Variants in LUZP2 observed in about 807,000 individuals in gnomAD.
LUZP2 encodes leucine zipper protein 2.
In LUZP2, 52 loss-of-function variants were observed where a neutral mutation model predicts 51.6. That is an observed-to-expected ratio of 1.01 (90% CI 0.81 to 1.27). LUZP2 has a LOEUF of 1.27. LUZP2 is among the 50% of genes most tolerant of loss of function. The pLI, the probability that LUZP2 is intolerant of heterozygous loss-of-function variation, is 0.00. For synonymous variants in LUZP2, 154 were observed against 137.3 expected, an observed-to-expected ratio of 1.12 and a Z score of -0.85; for missense variants, 436 against 395.4, an observed-to-expected ratio of 1.10 and a Z score of -0.87.
chr11:25,066,327 G>A (rs2134048503), intron 10 of LUZP2, among the ~76,000 whole-genome samples: 2 of 151,948 alleles, frequency 1.3e-5, no homozygotes, highest in Non-Finnish European at 2.9e-5. Context: ...ATTGCATAGA[G>A]CTTTTCAACA....
chr11:24,808,663 A>G (rs1849922921), intron 5 of LUZP2, among the ~76,000 whole-genome samples: 1 of 152,148 alleles, frequency 6.6e-6, no homozygotes, highest in African/African-American at 2.4e-5. Flanking sequence ...TGTGAAACTT[A>G]ATTGTGCTTA....
At chr11:24,659,292 A>G (rs1855929745) in intron 1 of LUZP2, among the ~76,000 whole-genome samples, 2 of 152,178 alleles carry the variant, frequency 1.3e-5, no homozygotes, top group Non-Finnish European at 2.9e-5. Context: ...GAAGCTGGAA[A>G]CCATCATTCT....
At chr11:24,701,235 G>T in intron 1 of LUZP2, 1 of 158,302 alleles carries the variant, frequency 6.3e-6, no homozygotes. Context: ...CGTGTGCTGT[G>T]ACAGGCAGGC....
chr11:24,743,622 A>G lies in LUZP2; in HGVS notation c.333+5320A>G, dbSNP rs565485573. Among the ~76,000 whole-genome samples, 242 of 152,182 alleles carry G rather than the reference A, an allele frequency of 1.6e-3. 3 individuals carry two copies. The highest frequency in any genetic ancestry group is 2.4e-3 in the Non-Finnish European group (163 of 67,990). On this transcript the variant is annotated intron_variant, in intron 4 of 11. Coordinates refer to ENST00000336930, the MANE Select transcript of LUZP2 (RefSeq NM_001009909.4). ...TTTAGGGTTTTCAAGGTAAATGATA[A>G]TATCATCAGCAAACAATGACAGTTT...
intron 5 of LUZP2, among the ~76,000 whole-genome samples, chr11:24,867,779 GTT>G (rs1851943055): frequency 6.6e-6 from 1 of 152,230 alleles, no homozygotes; most frequent in East Asian, 1.9e-4. Flanking sequence ...GGCATCATTT[GTT>G]TCTCTACTTA....
chr11:24,748,551 C>T (rs1859462978), intron 4 of LUZP2, among the ~76,000 whole-genome samples: 1 of 152,008 alleles, frequency 6.6e-6, no homozygotes, highest in Non-Finnish European at 1.5e-5. Flanking sequence ...CCTCCACCAC[C>T]CAGGTTCAAA....
At chr11:24,545,866 T>A (rs576045523) in intron 1 of LUZP2, among the ~76,000 whole-genome samples, 1 of 152,200 alleles carries the variant, frequency 6.6e-6, no homozygotes, top group African/African-American at 2.4e-5. Context: ...AATTTGTAAA[T>A]TGCTTTAGGC....
intron 1 of LUZP2, among the ~76,000 whole-genome samples, chr11:24,594,521 T>C (rs1853366664): frequency 6.6e-6 from 1 of 152,154 alleles, no homozygotes; most frequent in South Asian, 2.1e-4. Flanking sequence ...AGACATGTCA[T>C]CCCTGTAGAT....
At chr11:25,003,514 G>T (rs922220030) in intron 9 of LUZP2, among the ~76,000 whole-genome samples, 1 of 152,210 alleles carries the variant, frequency 6.6e-6, no homozygotes, top group African/African-American at 2.4e-5. Flanking sequence ...CTAACATCTT[G>T]CACTAGTCTC....
intron 7 of LUZP2, among the ~76,000 whole-genome samples, chr11:24,924,336 C>A (rs1361655752): frequency 1.3e-5 from 2 of 151,996 alleles, no homozygotes; most frequent in Non-Finnish European, 2.9e-5. Context: ...CCTCTGCCTC[C>A]CAAATTGCTG....
intron 5 of LUZP2, among the ~76,000 whole-genome samples, chr11:24,773,579 C>A (rs184773951): frequency 1.3e-5 from 2 of 149,948 alleles, no homozygotes; most frequent in Non-Finnish European, 2.9e-5. Flanking sequence ...CATCAGCAGC[C>A]GGTGTTGGGA....
At chr11:24,838,959 C>T (rs968773673) in intron 5 of LUZP2, among the ~76,000 whole-genome samples, 8 of 151,590 alleles carry the variant, frequency 5.3e-5, no homozygotes, top group Admixed American at 2.6e-4. Context: ...ACCTTATCAC[C>T]GTTGCTGGCA....
chr11:24,939,193 A>C (rs771834741), intron 7 of LUZP2, among the ~76,000 whole-genome samples: 3 of 152,302 alleles, frequency 2.0e-5, no homozygotes, highest in Non-Finnish European at 4.4e-5. Context: ...TTTCCAATAG[A>C]AATATAGAAG....
At chr11:24,965,842 A>G (rs763865243) in intron 7 of LUZP2, among the ~76,000 whole-genome samples, 1 of 151,772 alleles carries the variant, frequency 6.6e-6, no homozygotes, top group South Asian at 2.1e-4. Context: ...ATTACTATAG[A>G]TAGCACCCAA....
At chr11:24,863,798 CA>C (rs1478680065) in intron 5 of LUZP2, among the ~76,000 whole-genome samples, 2 of 152,108 alleles carry the variant, frequency 1.3e-5, no homozygotes, top group Admixed American at 1.3e-4. Context: ...TCAACCTCAG[CA>C]GCCTGATATT....
chr11:24,776,776 A>C (rs1479444167), intron 5 of LUZP2, among the ~76,000 whole-genome samples: 2 of 152,150 alleles, frequency 1.3e-5, no homozygotes, highest in Non-Finnish European at 2.9e-5. Flanking sequence ...CTCTAGTCAT[A>C]TGATGGTAGG....
chr11:24,626,356 G>T (rs950632930), intron 1 of LUZP2, among the ~76,000 whole-genome samples: 2 of 152,144 alleles, frequency 1.3e-5, no homozygotes, highest in African/African-American at 2.4e-5. Context: ...TTAGCAAGCA[G>T]CAGGCTTTAA....
intron 1 of LUZP2, among the ~76,000 whole-genome samples, chr11:24,572,010 T>C (rs564263508): frequency 6.6e-6 from 1 of 151,948 alleles, no homozygotes; most frequent in Non-Finnish European, 1.5e-5. Flanking sequence ...ATTATGTACA[T>C]TTTCACTCTG....
intron 1 of LUZP2, among the ~76,000 whole-genome samples, chr11:24,498,004 C>G (rs190327308): frequency 6.6e-6 from 1 of 152,232 alleles, no homozygotes; most frequent in Admixed American, 6.5e-5. Flanking sequence ...ACTTTAAGCC[C>G]CATTACAGAG....
Sources: allele counts gnomAD v4.1 joint callset (sites outside exome capture counted in the v4.1 genomes callset), GRCh38; gene constraint gnomAD v4.1.1; transcripts MANE v1.5; gene names NCBI Gene and HGNC (gene_info 2026-07-23, HGNC 2026-07-21).